The following HTT-AS variants were observed in gnomAD, a reference collection of about 807,000 sequenced individuals.
HTT-AS encodes the protein HTT antisense RNA (head to head).
intron 1 of HTT-AS, among the ~76,000 whole-genome samples, chr4:3,064,285 G>A (rs1235497887): frequency 1.3e-5 from 2 of 151,752 alleles, no homozygotes; most frequent in Admixed American, 6.6e-5. Flanking sequence ...TAGCAGAGAC[G>A]GGGTTTCACC....
chr4:3,069,150 G>GAT (rs377090138), intron 1 of HTT-AS, among the ~76,000 whole-genome samples: 73 of 144,600 alleles, frequency 5.0e-4, no homozygotes, highest in African/African-American at 1.6e-3. Context: ...AACGGTGTAT[G>GAT]TTTTTTTTTT....
exon 3 of HTT-AS, among the ~76,000 whole-genome samples, chr4:3,049,694 G>A (rs1346354887): frequency 3.3e-5 from 5 of 152,032 alleles, no homozygotes; most frequent in African/African-American, 7.2e-5. Flanking sequence ...TCCAGTCTTC[G>A]GGTTCTAGAA....
intron 1 of HTT-AS, among the ~76,000 whole-genome samples, chr4:3,069,312 A>ATT (rs566283289): frequency 6.3e-5 from 9 of 143,818 alleles, no homozygotes; most frequent in South Asian, 2.2e-4. Flanking sequence ...CACCTGGCTA[A>ATT]TTTTTTTTTT....
At chr4:3,058,747 T>C (rs575832665) in intron 2 of HTT-AS, among the ~76,000 whole-genome samples, 2 of 150,950 alleles carry the variant, frequency 1.3e-5, no homozygotes, top group South Asian at 4.2e-4. Context: ...TTAAATGGGG[T>C]CTTGCTCTGT....
At chr4:3,059,620 C>T (rs1015003111) in intron 2 of HTT-AS, among the ~76,000 whole-genome samples, 5 of 151,796 alleles carry the variant, frequency 3.3e-5, no homozygotes, top group East Asian at 1.9e-4. Flanking sequence ...GACAGAGTCT[C>T]GCTCCGTCAC....
chr4:3,052,974 G>A (rs1711734497), intron 2 of HTT-AS, among the ~76,000 whole-genome samples: 1 of 151,602 alleles, frequency 6.6e-6, no homozygotes, highest in Admixed American at 6.6e-5. Context: ...CCAGCCTGGT[G>A]ACAGAGCAAG....
At chr4:3,068,456 G>A (rs535642097) in intron 1 of HTT-AS, among the ~76,000 whole-genome samples, 172 of 152,042 alleles carry the variant, frequency 1.1e-3, no homozygotes, top group African/African-American at 3.6e-3. Flanking sequence ...AAAGATTTCC[G>A]CAATAGAAGA....
At chr4:3,063,591 TG>T in exon 2 of HTT-AS, 1 of 152,528 alleles carries the variant, frequency 6.6e-6, no homozygotes, top group Non-Finnish European at 1.5e-5. Context: ...TCAAACGGCC[TG>T]GCAGATGCTT....
At chr4:3,065,602 T>C (rs1318546156) in intron 1 of HTT-AS, among the ~76,000 whole-genome samples, 1 of 152,106 alleles carries the variant, frequency 6.6e-6, no homozygotes, top group East Asian at 1.9e-4. Flanking sequence ...AAGTTGAAAA[T>C]ATAAGTAAAA....
At chr4:3,048,767 T>C (rs1250549956), downstream of HTT-AS, among the ~76,000 whole-genome samples, 2 of 152,266 alleles carry the variant, frequency 1.3e-5, no homozygotes, top group East Asian at 3.8e-4. Context: ...GAGTCTGCTA[T>C]ACAGCCTATC....
chr4:3,054,465 A>G (rs552294187), intron 2 of HTT-AS, among the ~76,000 whole-genome samples: 1 of 152,282 alleles, frequency 6.6e-6, no homozygotes, highest in Non-Finnish European at 1.5e-5. Context: ...GTGTGAGGAG[A>G]GTGAAATGTG....
chr4:3,068,159 A>G (rs978472551), intron 1 of HTT-AS, among the ~76,000 whole-genome samples: 6 of 151,818 alleles, frequency 4.0e-5, no homozygotes, highest in East Asian at 1.9e-4. Flanking sequence ...CAAAAAAATT[A>G]GTCGGGCATG....
exon 2 of HTT-AS, among the ~76,000 whole-genome samples, chr4:3,063,299 A>T (rs2110123323): frequency 6.6e-6 from 1 of 152,328 alleles, no homozygotes; most frequent in African/African-American, 2.4e-5. Context: ...AAGATATCTT[A>T]AGACTAGTGG....
chr4:3,063,070 C>G (rs925167799), exon 2 of HTT-AS, among the ~76,000 whole-genome samples: 1 of 152,106 alleles, frequency 6.6e-6, no homozygotes, highest in African/African-American at 2.4e-5. Context: ...CACGACGTAG[C>G]CTTCATGACA....
intron 2 of HTT-AS, among the ~76,000 whole-genome samples, chr4:3,060,373 T>C (rs775758244): frequency 6.6e-6 from 1 of 152,136 alleles, no homozygotes; most frequent in Non-Finnish European, 1.5e-5. Flanking sequence ...AGGCTAGAGT[T>C]TGGTGGCATG....
chr4:3,072,215 G>A (rs887732202), intron 1 of HTT-AS, among the ~76,000 whole-genome samples: 3 of 152,222 alleles, frequency 2.0e-5, no homozygotes, highest in African/African-American at 4.8e-5. Flanking sequence ...CCAATCTCAC[G>A]TGGTGTTGGC....
intron 2 of HTT-AS, among the ~76,000 whole-genome samples, chr4:3,058,822 C>A (rs1481377291): frequency 6.6e-6 from 1 of 151,822 alleles, no homozygotes; most frequent in African/African-American, 2.4e-5. Context: ...GAGGTTCCAG[C>A]GATTCTCTTG....
chr4:3,062,145 T>C (rs1711939523), intron 2 of HTT-AS, among the ~76,000 whole-genome samples: 1 of 152,028 alleles, frequency 6.6e-6, no homozygotes, highest in Non-Finnish European at 1.5e-5. Flanking sequence ...TTCACATACC[T>C]CAGCCTCCCA....
chr4:3,070,962 A>G (rs1436476624), intron 1 of HTT-AS, among the ~76,000 whole-genome samples: 1 of 152,200 alleles, frequency 6.6e-6, no homozygotes, highest in Non-Finnish European at 1.5e-5. Context: ...TTTTTAGATG[A>G]TGCCAAACTT....
Sources: gnomAD v4.1 joint callset for allele counts (sites outside exome capture counted in the v4.1 genomes callset) on GRCh38, gnomAD v4.1.1 for gene constraint, MANE v1.5 for transcripts, NCBI Gene and HGNC (gene_info 2026-07-23, HGNC 2026-07-21) for gene names.